The following SH3GL2 variants were observed in gnomAD, a reference collection of about 807,000 sequenced individuals.
The protein encoded by SH3GL2 is SH3 domain containing GRB2 like 2, endophilin A1.
In SH3GL2, 24 loss-of-function variants were observed where a neutral mutation model predicts 46.0. The ratio of observed to expected loss-of-function variants is 0.52; its 90% CI spans 0.38 to 0.73. The LOEUF is 0.73. SH3GL2 is among the 30% of genes least tolerant of loss of function. SH3GL2 has a pLI of 0.00. For missense variants in SH3GL2, 413 were observed against 424.2 expected (o/e 0.97, Z 0.23); for synonymous variants, 196 against 147.1 (o/e 1.33, Z -2.40).
chr9:17,670,671 G>A (rs1447589488), intron 1 of SH3GL2, among the ~76,000 whole-genome samples: 1 of 152,074 alleles, frequency 6.6e-6, no homozygotes, highest in South Asian at 2.1e-4. Flanking sequence ...AGTCCAACTT[G>A]GCTGGCAAAT....
intron 1 of SH3GL2, among the ~76,000 whole-genome samples, chr9:17,659,963 G>A (rs376898800): frequency 6.6e-6 from 1 of 152,150 alleles, no homozygotes. Flanking sequence ...ATGGATAATG[G>A]TAACTGCCTG....
rs138407777 is a variant in SH3GL2 at position 17,665,260 on chromosome 9, A to G, written c.46-81806A>G. Among the ~76,000 whole-genome samples the G allele has an allele frequency of 2.6e-5, 4 of 152,258 alleles. No homozygotes were observed. The East Asian group carries it at 7.7e-4, about 29-fold the overall frequency. On this transcript the variant is annotated intron_variant, in intron 1 of 8. Transcript: ENST00000380607. ...TTTTTATATCCAGTCCACAATCTGA[A>G]CTTAAATTTTGTCAGTTGTCCCAAT...
chr9:17,675,243 C>G (rs932724017), intron 1 of SH3GL2, among the ~76,000 whole-genome samples: 1 of 152,148 alleles, frequency 6.6e-6, no homozygotes, highest in African/African-American at 2.4e-5. Flanking sequence ...TTGTATCTCT[C>G]ATAGCACATA....
In SH3GL2 at chr9:17,786,378, C is replaced by T; in HGVS notation, c.188-3C>T. The T allele has an allele frequency of 6.2e-7, 1 of 1,605,048 alleles. No individual in the cohort carries two copies. The highest frequency in any genetic ancestry group is 8.5e-7 in the Non-Finnish European group (1 of 1,176,924). On this transcript the variant is annotated splice_polypyrimidine_tract_variant and splice_region_variant and intron_variant, in intron 3 of 8. Transcript: ENST00000380607. ...TGAAAGCTTGTTCTCTCTTCACCTTCAGCTTCCAGAGCTAAGCTCAGCATG... is the reference window on the plus strand; with the variant it reads ...TGAAAGCTTGTTCTCTCTTCACCTTTAGCTTCCAGAGCTAAGCTCAGCATG...
chr9:17,633,840 C>T (rs957078770), intron 1 of SH3GL2, among the ~76,000 whole-genome samples: 1 of 152,172 alleles, frequency 6.6e-6, no homozygotes, highest in Non-Finnish European at 1.5e-5. Flanking sequence ...GTATGTTCAG[C>T]TGAAAGAATA....
At chr9:17,601,617 A>G (rs1270157696) in intron 1 of SH3GL2, among the ~76,000 whole-genome samples, 1 of 152,240 alleles carries the variant, frequency 6.6e-6, no homozygotes, top group Non-Finnish European at 1.5e-5. Context: ...GTGAAGTTAT[A>G]TATTGAAACA....
chr9:17,756,440 A>AG (rs1487810535), intron 2 of SH3GL2, among the ~76,000 whole-genome samples: 1 of 150,556 alleles, frequency 6.6e-6, no homozygotes, highest in East Asian at 2.0e-4. Flanking sequence ...CTCGTCATTT[A>AG]CATTAGGTAT....
chr9:17,708,358 AT>A (rs919077747), intron 1 of SH3GL2, among the ~76,000 whole-genome samples: 10 of 151,742 alleles, frequency 6.6e-5, no homozygotes, highest in African/African-American at 2.4e-4. Context: ...TCATTTTTTG[AT>A]TTTGACTCTT....
At chr9:17,666,843 T>G (rs1252844270) in intron 1 of SH3GL2, among the ~76,000 whole-genome samples, 1 of 152,130 alleles carries the variant, frequency 6.6e-6, no homozygotes, top group African/African-American at 2.4e-5. Flanking sequence ...TTCCCATCCA[T>G]AAAGGCTGTA....
rs115657149 is a variant in SH3GL2 at position 17,767,466 on chromosome 9, G to A, written c.187+5957G>A. ...TACAGTGATTATATTTGGTGACTGT[G>A]GAACTGAAAATGAATACATGTATTA... On this transcript the variant is annotated intron_variant, in intron 3 of 8. Coordinates refer to ENST00000380607, the MANE Select transcript of SH3GL2 (RefSeq NM_003026.5). Among the ~76,000 whole-genome samples the A allele has an allele frequency of 4.9e-3, 742 of 152,206 alleles. 6 individuals are homozygous for A. Among genetic ancestry groups the A allele is most frequent in the African/African-American group, 0.017 (710 of 41,516 alleles).
chr9:17,742,445 C>T (rs1368070746), intron 1 of SH3GL2, among the ~76,000 whole-genome samples: 1 of 152,204 alleles, frequency 6.6e-6, no homozygotes, highest in African/African-American at 2.4e-5. Context: ...ACATCCACTA[C>T]TGCAGGCTTA....
At chr9:17,636,983 T>C (rs924245038) in intron 1 of SH3GL2, among the ~76,000 whole-genome samples, 3 of 152,214 alleles carry the variant, frequency 2.0e-5, no homozygotes, top group East Asian at 1.9e-4. Context: ...AATTTGCTTG[T>C]AGTAGGTTAC....
chr9:17,743,421 C>T (rs957995365), intron 1 of SH3GL2, among the ~76,000 whole-genome samples: 1 of 151,966 alleles, frequency 6.6e-6, no homozygotes, highest in Non-Finnish European at 1.5e-5. Flanking sequence ...CTAATAACAT[C>T]ATTCGCTATA....
chr9:17,757,054 A>G (rs1406248045), intron 2 of SH3GL2, among the ~76,000 whole-genome samples: 1 of 152,102 alleles, frequency 6.6e-6, no homozygotes, highest in Non-Finnish European at 1.5e-5. Flanking sequence ...TGTGGTTTTC[A>G]TTTGCATTTC....
chr9:17,640,125 T>TA (rs1183207485), intron 1 of SH3GL2, among the ~76,000 whole-genome samples: 2 of 152,188 alleles, frequency 1.3e-5, no homozygotes, highest in Non-Finnish European at 2.9e-5. Flanking sequence ...TGACTTTTCT[T>TA]ACAATTTATT....
At chr9:17,714,173 T>G (rs537616239) in intron 1 of SH3GL2, among the ~76,000 whole-genome samples, 1 of 151,856 alleles carries the variant, frequency 6.6e-6, no homozygotes, top group South Asian at 2.1e-4. Flanking sequence ...TATTTTTTAC[T>G]TGTGTTGACT....
intron 1 of SH3GL2, among the ~76,000 whole-genome samples, chr9:17,738,565 CAT>C (rs374528271): frequency 1.9e-5 from 1 of 53,192 alleles, no homozygotes; most frequent in Non-Finnish European, 5.0e-5. Flanking sequence ...TATATACATA[CAT>C]ATATATATAG....
At chr9:17,741,587 C>G (rs1822529536) in intron 1 of SH3GL2, among the ~76,000 whole-genome samples, 1 of 152,156 alleles carries the variant, frequency 6.6e-6, no homozygotes, top group African/African-American at 2.4e-5. Context: ...TTAAGAGATA[C>G]AGACCAATGC....
intron 1 of SH3GL2, among the ~76,000 whole-genome samples, chr9:17,682,691 A>G (rs1238854035): frequency 6.6e-6 from 1 of 151,724 alleles, no homozygotes; most frequent in Non-Finnish European, 1.5e-5. Context: ...ATTAAAAAAA[A>G]AAAAAAGGAA....
Sources: gnomAD v4.1 joint callset for allele counts (sites outside exome capture counted in the v4.1 genomes callset) on GRCh38, gnomAD v4.1.1 for gene constraint, MANE v1.5 for transcripts, NCBI Gene and HGNC (gene_info 2026-07-23, HGNC 2026-07-21) for gene names.